The following ANKRD30B variants were observed in gnomAD, a reference collection of about 807,000 sequenced individuals.
The protein encoded by ANKRD30B is ankyrin repeat domain 30B.
ANKRD30B carries 144 observed loss-of-function variants against 202.2 expected under a neutral mutation model. The ratio of observed to expected loss-of-function variants is 0.71; its 90% CI spans 0.62 to 0.82. ANKRD30B has a LOEUF of 0.82. Among genes scored for constraint, ANKRD30B ranks in the 40% least tolerant of loss-of-function variants. The pLI, the probability that ANKRD30B is intolerant of heterozygous loss-of-function variation, is 0.00. For synonymous variants in ANKRD30B, 508 were observed against 561.3 expected, an observed-to-expected ratio of 0.91 and a Z score of 1.34; for missense variants, 1,487 against 1,669.1, an observed-to-expected ratio of 0.89 and a Z score of 1.90.
intron 1 of ANKRD30B, 142 bp downstream of exon 1, chr18:14,748,782 C>A: frequency 1.1e-6 from 1 of 948,568 alleles, no homozygotes; most frequent in Non-Finnish European, 1.5e-6. Flanking sequence ...CGTCCTGGGC[C>A]CCGAGGTCTT....
intron 30 of ANKRD30B, among the ~76,000 whole-genome samples, chr18:14,817,721 T>C (rs955468422): frequency 6.6e-6 from 1 of 152,244 alleles, no homozygotes; most frequent in African/African-American, 2.4e-5. Flanking sequence ...CAAACAGATG[T>C]ATTAATGGTA....
At chr18:14,900,988 C>A in the ANKRD30B span, among the ~76,000 whole-genome samples, 1 of 152,150 alleles carries the variant, frequency 6.6e-6, no homozygotes, top group Admixed American at 6.5e-5. Flanking sequence ...TTAACTAATG[C>A]ACCCCAATTT....
chr18:14,748,355 GAGGGGT>G lies in ANKRD30B; in HGVS notation c.-59_-54del. The G allele has an allele frequency of 3.0e-6, 4 of 1,322,744 alleles. No individual in the cohort carries two copies. The highest frequency in any genetic ancestry group is 4.0e-6 in the Non-Finnish European group (4 of 1,004,614). The allele number at this position is 1,322,744 out of a possible 1,614,324, so 81.9% of individuals were successfully genotyped here. ...GGAAGGGTAAGCGGGAAGCGAGGGC[GAGGGGT>G]AGGGGCTGGGGAAGGGCGAGCGGGA... is the stretch of plus-strand genomic sequence containing the variant. On this transcript the variant is annotated 5_prime_UTR_variant, in exon 1 of 44. Transcript: ENST00000690538.
the ANKRD30B span, among the ~76,000 whole-genome samples, chr18:14,922,125 G>A: frequency 2.0e-5 from 3 of 152,190 alleles, no homozygotes; most frequent in South Asian, 2.1e-4. Context: ...CTGGCAGGAG[G>A]AGAATTTGTT....
At chr18:14,837,139 G>C (rs919084284) in intron 34 of ANKRD30B, 72 bp from the exon 35 acceptor site, 4 of 882,080 alleles carry the variant, frequency 4.5e-6, no homozygotes, top group Non-Finnish European at 3.5e-6. Context: ...AATTGATTGA[G>C]TGAGTGAATA....
chr18:14,931,909 C>CCCCACCT, the ANKRD30B span, among the ~76,000 whole-genome samples: 1 of 134,272 alleles, frequency 7.4e-6, no homozygotes. Context: ...AGGCCCCCCA[C>CCCCACCT]CCCACCTCCC....
intron 9 of ANKRD30B, among the ~76,000 whole-genome samples, chr18:14,775,640 A>G (rs1408103362): frequency 6.6e-6 from 1 of 152,232 alleles, no homozygotes; most frequent in Non-Finnish European, 1.5e-5. Context: ...TTCTTTTCAC[A>G]AATAGAACTC....
At chr18:14,930,890 CA>C in the ANKRD30B span, among the ~76,000 whole-genome samples, 5 of 152,196 alleles carry the variant, frequency 3.3e-5, no homozygotes, top group African/African-American at 4.8e-5. Flanking sequence ...TAATTAAAGT[CA>C]GGAGTTTGGT....
chr18:14,904,715 G>T, the ANKRD30B span, among the ~76,000 whole-genome samples: 1 of 152,164 alleles, frequency 6.6e-6, no homozygotes, highest in Non-Finnish European at 1.5e-5. Context: ...CCATGGTCAA[G>T]GGAACAGTTT....
At chr18:14,818,561 T>G (rs1970242189) in intron 30 of ANKRD30B, among the ~76,000 whole-genome samples, 1 of 132,818 alleles carries the variant, frequency 7.5e-6, no homozygotes, top group African/African-American at 2.8e-5. Context: ...CCTTCCTGTG[T>G]CCATGTGTTC....
At chr18:14,920,513 C>T in the ANKRD30B span, among the ~76,000 whole-genome samples, 2 of 152,160 alleles carry the variant, frequency 1.3e-5, no homozygotes, top group Non-Finnish European at 2.9e-5. Flanking sequence ...TATCAGAATT[C>T]CCCAGTCTTA....
At chr18:14,751,718 T>G (rs1413622245) in intron 1 of ANKRD30B, among the ~76,000 whole-genome samples, 1 of 152,156 alleles carries the variant, frequency 6.6e-6, no homozygotes, top group Non-Finnish European at 1.5e-5. Context: ...TGGCTTGAAG[T>G]TTTTAAAATC....
rs898314286 is a variant in ANKRD30B at position 14,797,628 on chromosome 18, T to A, written c.1928-33T>A. The A allele has an allele frequency of 5.0e-6, 8 of 1,590,246 alleles. No homozygotes were observed. In the African/African-American group the frequency reaches 5.4e-5, roughly 11 times the overall value. ...TTTGGTAGGCTTTGTCAGGCTTGCA[T>A]ATAATCAATTATAAATGTCCCTTTT... On this transcript the variant is annotated intron_variant, in intron 18 of 43. Coordinates refer to ENST00000690538, the MANE Select transcript of ANKRD30B (RefSeq NM_001367607.2).
the ANKRD30B span, among the ~76,000 whole-genome samples, chr18:14,906,974 T>C: frequency 1.3e-5 from 2 of 152,060 alleles, no homozygotes; most frequent in Non-Finnish European, 2.9e-5. Context: ...TGACTGGCTA[T>C]TGGTTAAGTT....
chr18:14,751,181 C>A (rs1913383401), intron 1 of ANKRD30B, among the ~76,000 whole-genome samples: 1 of 151,890 alleles, frequency 6.6e-6, no homozygotes, highest in Non-Finnish European at 1.5e-5. Flanking sequence ...AGGCTTATTA[C>A]ATATATGTCA....
chr18:14,889,494 G>A, the ANKRD30B span, among the ~76,000 whole-genome samples: 1 of 152,004 alleles, frequency 6.6e-6, no homozygotes, highest in Admixed American at 6.6e-5. Flanking sequence ...TTATTACAGT[G>A]GGATGAACTG....
intron 30 of ANKRD30B, among the ~76,000 whole-genome samples, chr18:14,815,706 G>T (rs1970058720): frequency 6.6e-6 from 1 of 152,106 alleles, no homozygotes. Context: ...TTATTCATAG[G>T]TATTATAGTG....
rs757906995 is a variant in ANKRD30B at position 14,784,471 on chromosome 18, TG to T, written c.1609del (p.Glu537LysfsTer13). 2 of 1,613,318 alleles carry T rather than the reference TG, an allele frequency of 1.2e-6. No individual in the cohort carries two copies. Among genetic ancestry groups the T allele is most frequent in the South Asian group, 2.2e-5 (2 of 91,062 alleles). Reference sequence around the variant, plus strand: ...CTTCCAAACCCATTTAGCCTGCCGTTGAAATGCAAAAGACTGTTCCAAATAA... The same window carrying T: ...CTTCCAAACCCATTTAGCCTGCCGTTAAATGCAAAAGACTGTTCCAAATAA... ...EKPSAFKPAV[E>X]MQKTVPNKAF... On this transcript the variant is annotated frameshift_variant, in exon 14 of 44. Transcript: ENST00000690538. LOFTEE classifies it high-confidence loss of function.
rs1237130371 is a variant in ANKRD30B at position 14,760,113 on chromosome 18, C to A, written c.756-441C>A. Among the ~76,000 whole-genome samples the A allele has an allele frequency of 3.9e-5, 6 of 152,278 alleles. No homozygotes were observed. In the South Asian group the frequency reaches 8.3e-4, roughly 21 times the overall value. The stretch of plus-strand genomic sequence containing the variant: ...GATTCAAGAATAAATTATTTCATTG[C>A]TTCACTATTTCTTTGAGCATTTTAA... On this transcript the variant is annotated intron_variant, in intron 5 of 43. Transcript: ENST00000690538.
Sources: allele counts gnomAD v4.1 joint callset (sites outside exome capture counted in the v4.1 genomes callset), GRCh38; gene constraint gnomAD v4.1.1; transcripts MANE v1.5; gene names NCBI Gene and HGNC (gene_info 2026-07-23, HGNC 2026-07-21).